WDR62: variants seen among roughly 807,000 people sequenced by gnomAD.
WDR62 encodes the protein WD repeat-containing protein 62.
In WDR62, 112 loss-of-function variants were observed where a neutral mutation model predicts 160.6. That is an observed-to-expected ratio of 0.70 (90% CI 0.60 to 0.82). The LOEUF (loss-of-function observed/expected upper bound fraction) is 0.82. Among genes scored for constraint, WDR62 ranks in the 40% least tolerant of loss-of-function variants. The pLI, the probability that WDR62 is intolerant of heterozygous loss-of-function variation, is 0.00. For synonymous variants in WDR62, 792 were observed against 815.1 expected (o/e 0.97, Z 0.48); for missense variants, 1,819 against 1,983.8 (o/e 0.92, Z 1.58).
chr19:36,066,374 A>G lies in WDR62; in HGVS notation c.508A>G (p.Ile170Val). The G allele has an allele frequency of 6.2e-7, 1 of 1,613,334 alleles. No homozygotes were observed. The highest frequency in any genetic ancestry group is 8.5e-7 in the Non-Finnish European group (1 of 1,179,622). The change falls in exon 5 of 32, where the codon ATC (isoleucine) becomes GTC (valine). Residue 170 changes from isoleucine to valine, a missense_variant. Transcript: ENST00000401500. ...GGCCTTCTCACCCAATATGAAGCAC[A>G]TCGTGTCCATGGGCTACCAACATGA... ...CVAFSPNMKH[I>V]VSMGYQHDMV...
At chr19:36,060,295 AG>A (rs1970581585) in intron 3 of WDR62, 1 of 508,582 alleles carries the variant, frequency 2.0e-6, no homozygotes, top group Admixed American at 3.2e-5. Flanking sequence ...AGTGCTATGG[AG>A]GAAATGATGG....
At chr19:36,056,177 A>G (rs1970359165) in intron 1 of WDR62, among the ~76,000 whole-genome samples, 1 of 152,122 alleles carries the variant, frequency 6.6e-6, no homozygotes, top group Non-Finnish European at 1.5e-5. Flanking sequence ...AAATAAATAA[A>G]TAAATAAATT....
chr19:36,072,413 T>A (rs1971347507), intron 8 of WDR62, among the ~76,000 whole-genome samples: 1 of 152,168 alleles, frequency 6.6e-6, no homozygotes, highest in South Asian at 2.1e-4. Context: ...GCCTGTAGTC[T>A]ATCCTCAGGT....
chr19:36,102,250 T>C (rs893685215), intron 26 of WDR62, 99 bp downstream of exon 26: 212 of 1,556,166 alleles, frequency 1.4e-4, no homozygotes, highest in Admixed American at 1.7e-4. Context: ...GCCAGGAGGG[T>C]GAGTGGAGAG....
chr19:36,092,898 G>C, intron 19 of WDR62, 87 bp downstream of exon 19: 1 of 1,601,804 alleles, frequency 6.2e-7, no homozygotes, highest in Non-Finnish European at 8.5e-7. Context: ...TGGTGGCCAA[G>C]ACAGCCCTAG....
chr19:36,066,480 A>G, intron 5 of WDR62, 53 bp downstream of exon 5: 2 of 1,549,530 alleles, frequency 1.3e-6, no homozygotes, highest in African/African-American at 1.4e-5. Flanking sequence ...ACAGCATCCT[A>G]TGTCTTGGGC....
At position 36,067,913 on chromosome 19, in the gene WDR62, G is replaced by A. The variant is rs563462202; in HGVS notation, c.785G>A (p.Arg262Gln). ...NNIFCGVACG[R>Q]GRMAGSTFCV... ...ATCTTCTGTGGTGTGGCCTGCGGTC[G>A]GGGCCGGATGGCGGGCAGTACCTTC... Residue 262 changes from arginine (R) to glutamine (Q), a missense_variant, in exon 7 of 32, where the codon CGG (arginine) becomes CAG (glutamine). Transcript: ENST00000401500. The A allele has an allele frequency of 1.7e-5, 27 of 1,614,072 alleles. No homozygotes were observed. Among genetic ancestry groups the A allele is most frequent in the African/African-American group, 5.3e-5 (4 of 74,920 alleles).
intron 30 of WDR62, 106 bp from the exon 31 acceptor site, chr19:36,104,412 A>G: frequency 1.4e-6 from 2 of 1,439,912 alleles, no homozygotes; most frequent in Non-Finnish European, 1.9e-6. Flanking sequence ...GGGGACCCAG[A>G]GAAGTGTTCC....
Position 36,103,933 on chromosome 19 carries a change from C to A in WDR62, c.4105C>A (p.Arg1369=), listed in dbSNP as rs201531251. The change falls in exon 30 of 32, where the codon CGG becomes AGG. Residue 1369 remains arginine, a synonymous_variant. Transcript: ENST00000401500. Reference sequence around the variant, plus strand: ...CAGTAACCCCCAGCTTCCAGAGGCCCGGCCTGGCATCCCTGGCGGCACTGC... The same window carrying A: ...CAGTAACCCCCAGCTTCCAGAGGCCAGGCCTGGCATCCCTGGCGGCACTGC... ...HPSNPQLPEA[R]PGIPGGTASL... 1.9e-6 allele frequency: 3 copies of A among 1,599,060 alleles called. No individual in the cohort carries two copies. The East Asian group carries it at 6.7e-5, about 36-fold the overall frequency.
rs186875294 is a variant in WDR62 at position 36,098,914 on chromosome 19, C to T, written c.2521-485C>T. ...CAGCCTGAGCAACATAGTGAGAGTCCACCTCTACCAAAAACCAACAAAATG... is the reference window on the plus strand; with the variant it reads ...CAGCCTGAGCAACATAGTGAGAGTCTACCTCTACCAAAAACCAACAAAATG... On this transcript the variant is annotated intron_variant, in intron 21 of 31. Coordinates refer to ENST00000401500, the MANE Select transcript of WDR62 (RefSeq NM_001083961.2). Among the ~76,000 whole-genome samples, 133 of 152,174 alleles carry T rather than the reference C, an allele frequency of 8.7e-4. 1 individual carries two copies. Among genetic ancestry groups the T allele is most frequent in the Non-Finnish European group, 2.9e-4 (20 of 67,990 alleles).
At chr19:36,090,044 G>A (rs1037931139) in intron 15 of WDR62, among the ~76,000 whole-genome samples, 2 of 152,160 alleles carry the variant, frequency 1.3e-5, no homozygotes, top group African/African-American at 4.8e-5. Context: ...GGAGCCCAGG[G>A]GCCCTGTGGA....
At chr19:36,072,983 A>G (rs747586688) in intron 8 of WDR62, among the ~76,000 whole-genome samples, 3 of 152,086 alleles carry the variant, frequency 2.0e-5, no homozygotes, top group Non-Finnish European at 2.9e-5. Context: ...AGGCTTTTTG[A>G]TCATGCGTTG....
intron 9 of WDR62, among the ~76,000 whole-genome samples, chr19:36,077,312 C>T (rs1236710929): frequency 8.6e-6 from 1 of 116,696 alleles, no homozygotes; most frequent in Non-Finnish European, 1.6e-5. Flanking sequence ...GAGTCTCACT[C>T]TGTCGCCCAG....
chr19:36,092,990 T>C (rs1972726255), intron 19 of WDR62, among the ~76,000 whole-genome samples, 179 bp downstream of exon 19: 1 of 152,098 alleles, frequency 6.6e-6, no homozygotes, highest in African/African-American at 2.4e-5. Flanking sequence ...CAAAAAGGTT[T>C]TGTGGATTTT....
chr19:36,101,226 G>T lies in WDR62; in HGVS notation c.2880G>T (p.Arg960Ser). ...ACTGGCACTGCAGCCAGTATTGCAG[G>T]AAGGAGGTGGAGGCCGGGCCTGGAG... ...TVTGTDSQYC[R>S]KEVEAGPGDQ... The change falls in exon 24 of 32, where the codon AGG (arginine) becomes AGT (serine). Residue 960 changes from arginine (R) to serine (S), a missense_variant. Physicochemically the swap from Arg to Ser is moderately radical, Grantham distance 110. Coordinates refer to ENST00000401500, the MANE Select transcript of WDR62 (RefSeq NM_001083961.2). 1 of 1,612,710 alleles carries T rather than the reference G, an allele frequency of 6.2e-7. No homozygotes were observed. Among genetic ancestry groups the T allele is most frequent in the Non-Finnish European group, 8.5e-7 (1 of 1,179,658 alleles).
At chr19:36,100,227 T>A (rs1280493466) in intron 22 of WDR62, among the ~76,000 whole-genome samples, 5 of 152,344 alleles carry the variant, frequency 3.3e-5, no homozygotes, top group African/African-American at 9.6e-5. Context: ...CGTGCAACTT[T>A]AGCTCTTTCT....
At chr19:36,080,957 TTGTC>T (rs889687583) in intron 9 of WDR62, among the ~76,000 whole-genome samples, 3 of 152,190 alleles carry the variant, frequency 2.0e-5, no homozygotes, top group Non-Finnish European at 4.4e-5. Flanking sequence ...TGTTTTTGGT[TTGTC>T]TGTCTGTTTG....
chr19:36,108,555 AGAG>A (rs906031533), downstream of WDR62, among the ~76,000 whole-genome samples: 50 of 143,054 alleles, frequency 3.5e-4, no homozygotes, highest in African/African-American at 1.4e-3. Context: ...ATGTTTGCCC[AGAG>A]GAGGGATTCC....
chr19:36,080,554 G>A (rs921673189), intron 9 of WDR62, among the ~76,000 whole-genome samples: 1 of 151,950 alleles, frequency 6.6e-6, no homozygotes, highest in Non-Finnish European at 1.5e-5. Context: ...AGCCTCCCAG[G>A]TTCAAGCAAT....
Sources: allele counts gnomAD v4.1 joint callset (sites outside exome capture counted in the v4.1 genomes callset), GRCh38; gene constraint gnomAD v4.1.1; transcripts MANE v1.5; gene names NCBI Gene and HGNC (gene_info 2026-07-23, HGNC 2026-07-21).